DNAH17: variants seen among roughly 807,000 people sequenced by gnomAD.
The protein encoded by DNAH17 is dynein axonemal heavy chain 17.
In DNAH17, 376 loss-of-function variants were observed where a neutral mutation model predicts 485.6. The observed-to-expected ratio is 0.77, with a 90% confidence interval of 0.71 to 0.84. The LOEUF is 0.84. DNAH17 is among the 40% of genes least tolerant of loss of function. The pLI is 0.00. For missense variants in DNAH17, 6,370 were observed against 5,839.3 expected, an observed-to-expected ratio of 1.09 and a Z score of -2.96; for synonymous variants, 3,031 against 2,405.9, an observed-to-expected ratio of 1.26 and a Z score of -7.60.
chr17:78,514,809 C>T lies in DNAH17; in HGVS notation c.4078G>A (p.Glu1360Lys). 1 of 1,614,018 alleles carries T rather than the reference C, an allele frequency of 6.2e-7. No homozygotes were observed. The change falls in exon 26 of 81, where the codon GAA (glutamate) becomes AAA (lysine). Residue 1360 changes from glutamate to lysine, a missense_variant. Transcript: ENST00000389840. Reference protein sequence around the residue: ...VSELQNPAIRERHWQQLMQAT... With the variant: ...VSELQNPAIRKRHWQQLMQAT... ...TGCATGAGCTGCTGCCAGTGGCGTT[C>T]CCGAATGGCAGGGTTCTGCAGCTCG...
chr17:78,480,851 T>G (rs1346964350), intron 48 of DNAH17, 65 bp from the exon 49 acceptor site: 7 of 1,158,030 alleles, frequency 6.0e-6, no homozygotes, highest in Non-Finnish European at 8.9e-6. Flanking sequence ...CTGCCCCCAC[T>G]GTGCTCCCAA....
chr17:78,476,380 G>A lies in DNAH17; in HGVS notation c.8154+192C>T, dbSNP rs7211028. On this transcript the variant is annotated intron_variant, in intron 52 of 80. Transcript: ENST00000389840. Reference sequence around the variant, plus strand: ...GTGGAACCCTCGGACCCACAGCCACGTGCCGGAGTTATCGCGTGGAACCCT... The same window carrying A: ...GTGGAACCCTCGGACCCACAGCCACATGCCGGAGTTATCGCGTGGAACCCT... 0.032 allele frequency among the ~76,000 whole-genome samples: 3,377 copies of A among 106,554 alleles called. 124 individuals are homozygous for A. Among genetic ancestry groups the A allele is most frequent in the African/African-American group, 0.13 (3,147 of 23,930 alleles). The allele number at this position is 106,554 out of a possible 152,430, so 69.9% of individuals were successfully genotyped here. A position where few individuals can be genotyped will look rare whatever the true frequency, so the allele number is the denominator to read the frequency against.
intron 71 of DNAH17, among the ~76,000 whole-genome samples, chr17:78,443,766 T>G (rs1399477512): frequency 6.6e-6 from 1 of 152,138 alleles, no homozygotes; most frequent in Non-Finnish European, 1.5e-5. Context: ...CCCAGGCTGG[T>G]CTCAAACTCC....
chr17:78,563,959 G>A (rs76771134), intron 11 of DNAH17, among the ~76,000 whole-genome samples: 2,257 of 152,204 alleles, frequency 0.015, 58 homozygotes, highest in African/African-American at 0.048. Flanking sequence ...ATAAACATAC[G>A]TGAAAATTTT....
chr17:78,433,956 G>GGAGGGAAGGAGGGAGGGAAGGAGA, intron 75 of DNAH17, 73 bp downstream of exon 75: 1 of 1,286,484 alleles, frequency 7.8e-7, no homozygotes, highest in Non-Finnish European at 1.1e-6. Context: ...AGGGAAGGAG[G>GGAGGGAAGGAGGGAGGGAAGGAGA]GAGGGAAGGA....
In DNAH17 at chr17:78,468,492, C is replaced by T. The variant is rs2094499752; in HGVS notation, c.8778+125G>A. ...AGACAGCCCCACCCCTCACACTCTC[C>T]TAACAGGATTTCACATCCCATGAAG... On this transcript the variant is annotated intron_variant, in intron 55 of 80. Transcript: ENST00000389840. The T allele has an allele frequency of 4.6e-6, 6 of 1,306,652 alleles. No individual in the cohort carries two copies. The South Asian group carries it at 7.7e-5, about 17-fold the overall frequency. 80.9% of individuals were successfully genotyped at this position (1,306,652 alleles called of 1,614,324 possible).
chr17:78,447,061 C>T (rs1194425113), intron 69 of DNAH17, among the ~76,000 whole-genome samples: 1 of 152,182 alleles, frequency 6.6e-6, no homozygotes, highest in Non-Finnish European at 1.5e-5. Flanking sequence ...ATCTCAGCCT[C>T]CCAAGTAACT....
intron 69 of DNAH17, among the ~76,000 whole-genome samples, chr17:78,448,754 T>C (rs1342592583): frequency 6.6e-6 from 1 of 152,184 alleles, no homozygotes; most frequent in Non-Finnish European, 1.5e-5. Flanking sequence ...GGGAGTGGGT[T>C]TGTTACACAA....
intron 49 of DNAH17, 122 bp downstream of exon 49, chr17:78,480,562 A>T: frequency 1.4e-6 from 1 of 729,940 alleles, no homozygotes; most frequent in Non-Finnish European, 2.1e-6. Flanking sequence ...AAAGTTAAGG[A>T]GTTCTCCAGA....
Position 78,569,547 on chromosome 17 carries a change from G to T in DNAH17, c.1045-20C>A, listed in dbSNP as rs765540294. 15 of 1,592,974 alleles carry T rather than the reference G, an allele frequency of 9.4e-6. No individual in the cohort carries two copies. Among genetic ancestry groups the T allele is most frequent in the Non-Finnish European group, 1.2e-5 (14 of 1,170,322 alleles). On this transcript the variant is annotated intron_variant, in intron 7 of 80. Coordinates refer to ENST00000389840, the MANE Select transcript of DNAH17 (RefSeq NM_173628.4). The stretch of plus-strand genomic sequence containing the variant: ...TCGTGTCTGGGCAAAAGAGAAGACA[G>T]ACATCTAAAGCTCCGACAAGCCATT...
chr17:78,574,402 C>A (rs191840989), intron 2 of DNAH17, among the ~76,000 whole-genome samples: 19 of 152,062 alleles, frequency 1.2e-4, no homozygotes, highest in Admixed American at 1.2e-3. Flanking sequence ...ACTCAGGAGG[C>A]TGAGGCTGGA....
chr17:78,550,775 A>T (rs2091884931), intron 16 of DNAH17, among the ~76,000 whole-genome samples: 1 of 152,238 alleles, frequency 6.6e-6, no homozygotes, highest in Admixed American at 6.5e-5. Context: ...GCAGTGAAAG[A>T]AAAGGACCGT....
chr17:78,571,196 A>G, intron 5 of DNAH17, 83 bp downstream of exon 5: 1 of 1,357,960 alleles, frequency 7.4e-7, no homozygotes, highest in Admixed American at 2.0e-5. Context: ...CCAACATCCT[A>G]GGGTTGGTGA....
intron 74 of DNAH17, among the ~76,000 whole-genome samples, chr17:78,436,737 C>T (rs563639916): frequency 5.9e-5 from 9 of 151,996 alleles, no homozygotes; most frequent in African/African-American, 1.9e-4. Context: ...CCCAGCTACT[C>T]GGGAGTCTGA....
rs1282842900 is a variant in DNAH17, at chr17:78,437,683, G to A, written c.11991C>T (p.Gly3997=). Residue 3997 remains glycine (G), a synonymous_variant, in exon 74 of 81, where the codon GGC becomes GGT. Transcript: ENST00000389840. ...GGGCCTTGTGCAAGTTGGCGTGCAT[G>A]CCCGTGGGGGGCTCGTTGGTGATCT... The part of the protein sequence containing the change: ...AIKITNEPPT[G]MHANLHKALD... 3.7e-6 allele frequency: 6 copies of A among 1,611,774 alleles called. No individual in the cohort carries two copies. The highest frequency in any genetic ancestry group is 5.1e-6 in the Non-Finnish European group (6 of 1,179,388).
intron 55 of DNAH17, among the ~76,000 whole-genome samples, chr17:78,467,994 G>C (rs1001185554): frequency 6.7e-6 from 1 of 148,994 alleles, no homozygotes; most frequent in Non-Finnish European, 1.5e-5. Flanking sequence ...CTCCAGCCTG[G>C]GCGACAAGTG....
chr17:78,485,723 A>C lies in DNAH17; in HGVS notation c.7310T>G (p.Ile2437Ser). 1 of 1,612,630 alleles carries C rather than the reference A, an allele frequency of 6.2e-7. No individual in the cohort carries two copies. The highest frequency in any genetic ancestry group is 8.5e-7 in the Non-Finnish European group (1 of 1,179,860). ...CATGAGCAGGTCCATGAAGTAGCGG[A>C]TGCGGATGGTTTCCGTGGTGTGGAC... ...SLVHTTETIR[I>S]RYFMDLLMEK... The change falls in exon 47 of 81, where the codon ATC becomes AGC. Residue 2437 changes from isoleucine (I) to serine (S), a missense_variant. Transcript: ENST00000389840.
intron 56 of DNAH17, among the ~76,000 whole-genome samples, chr17:78,463,473 C>T (rs750718792): frequency 2.7e-5 from 4 of 150,004 alleles, no homozygotes; most frequent in African/African-American, 7.6e-5. Flanking sequence ...CACGTGCATA[C>T]GCATTCACAT....
rs992638300 is a variant in DNAH17 at position 78,574,721 on chromosome 17, C to T, written c.337G>A (p.Val113Met). The change falls in exon 2 of 81, where the codon GTG becomes ATG. Residue 113 changes from valine (V) to methionine (M), a missense_variant. Transcript: ENST00000389840. ...AGCCTGGACGCACTCACCTCCTCCA[C>T]CACCGCGATCAGCTGGTCCACGGGT... ...PTPVDQLIAV[V>M]EEVLSSLLNQ... The T allele has an allele frequency of 8.7e-6, 14 of 1,602,634 alleles. No individual in the cohort carries two copies. The highest frequency in any genetic ancestry group is 4.5e-5 in the East Asian group (2 of 44,682).
Sources: gnomAD v4.1 joint callset for allele counts (sites outside exome capture counted in the v4.1 genomes callset) on GRCh38, gnomAD v4.1.1 for gene constraint, MANE v1.5 for transcripts, NCBI Gene and HGNC (gene_info 2026-07-23, HGNC 2026-07-21) for gene names.